Variants in ACOX3 observed in about 807,000 individuals in gnomAD.
ACOX3 encodes the protein acyl-CoA oxidase 3, pristanoyl, also known as peroxisomal acyl-coenzyme A oxidase 3.
In ACOX3, 73 loss-of-function variants were observed where a neutral mutation model predicts 81.5. The ratio of observed to expected loss-of-function variants is 0.90; its 90% CI spans 0.74 to 1.09. ACOX3 has a LOEUF of 1.09. ACOX3 is among the 50% of genes least tolerant of loss of function. The pLI is 0.00. For missense variants in ACOX3, 947 were observed against 928.0 expected (o/e 1.02, Z -0.27); for synonymous variants, 387 against 375.1 (o/e 1.03, Z -0.37).
intron 15 of ACOX3, chr4:8,374,616 C>T (rs1456029716): frequency 4.8e-6 from 1 of 207,108 alleles, no homozygotes; most frequent in Non-Finnish European, 9.5e-6. Flanking sequence ...GGAAGCCTTC[C>T]AGTATTCCCA....
At chr4:8,366,052 C>G (rs1715409210), downstream of ACOX3, among the ~76,000 whole-genome samples, 2 of 152,148 alleles carry the variant, frequency 1.3e-5, no homozygotes, top group African/African-American at 4.8e-5. Context: ...CTGAGCTGAT[C>G]AGAGGTTAAG....
intron 1 of ACOX3, among the ~76,000 whole-genome samples, chr4:8,434,151 T>C (rs1164602071): frequency 3.3e-5 from 5 of 152,204 alleles, no homozygotes; most frequent in African/African-American, 1.2e-4. Flanking sequence ...AACTTTCTGT[T>C]CTGTTAGCTG....
At chr4:8,373,409 G>C (rs149489764) in intron 16 of ACOX3, 152 bp downstream of exon 16, 1 of 761,200 alleles carries the variant, frequency 1.3e-6, no homozygotes, top group African/African-American at 1.8e-5. Context: ...AAGGGGGTGC[G>C]TGTAGGCTCT....
chr4:8,421,134 G>A (rs1354276713), intron 1 of ACOX3, among the ~76,000 whole-genome samples: 3 of 152,214 alleles, frequency 2.0e-5, no homozygotes, highest in African/African-American at 7.2e-5. Flanking sequence ...AACATTTGCT[G>A]GGCTCGTATG....
chr4:8,358,450 G>T, the ACOX3 span: 2 of 137,562 alleles, frequency 1.5e-5, no homozygotes, highest in South Asian at 4.6e-4. Context: ...GGAAATTTTT[G>T]AATCTACCTG....
Position 8,431,757 on chromosome 4 carries a change from CCT to C in ACOX3, c.-15+8889_-15+8890del, listed in dbSNP as rs576786098. On this transcript the variant is annotated intron_variant, in intron 1 of 17. Coordinates refer to ENST00000356406, the MANE Select transcript of ACOX3 (RefSeq NM_003501.3). The surrounding 1 kb of genome is among the most constrained non-coding windows in gnomAD (Gnocchi z 5.3). The stretch of plus-strand genomic sequence containing the variant: ...CACTGCCATAGGGCCTCACCCACCC[CCT>C]CTCTTGTTTATCTTGACTTCTGTCC... 3.4e-4 allele frequency among the ~76,000 whole-genome samples: 51 copies of C among 152,208 alleles called. No individual in the cohort carries two copies. The highest frequency in any genetic ancestry group is 1.0e-3 in the African/African-American group (43 of 41,456).
intron 14 of ACOX3, among the ~76,000 whole-genome samples, chr4:8,378,342 C>G (rs1280940108): frequency 6.6e-6 from 1 of 152,182 alleles, no homozygotes; most frequent in African/African-American, 2.4e-5. Context: ...TCCTTCACTC[C>G]CAAAGTAGAC....
chr4:8,436,575 TA>T (rs1201078466), intron 1 of ACOX3, among the ~76,000 whole-genome samples: 3 of 152,078 alleles, frequency 2.0e-5, no homozygotes, highest in Admixed American at 2.0e-4. Flanking sequence ...CTGCAGAGGC[TA>T]AGAGGTAGTA....
chr4:8,399,488 C>T lies in ACOX3; in HGVS notation c.873+68G>A, dbSNP rs956697678. 1.4e-6 allele frequency: 2 copies of T among 1,381,788 alleles called. No individual in the cohort carries two copies. Among genetic ancestry groups the T allele is most frequent in the African/African-American group, 2.9e-5 (2 of 69,510 alleles). 85.6% of individuals were successfully genotyped at this position (1,381,788 alleles called of 1,614,324 possible). A position where few individuals can be genotyped will look rare whatever the true frequency, so the allele number is the denominator to read the frequency against. On this transcript the variant is annotated intron_variant, in intron 8 of 17. Transcript: ENST00000356406. This position sits in a 1 kb window ranked among gnomAD's most constrained non-coding sequence, Gnocchi z 4.9. ...TCCTTTCCAGGTGCAGGGAGGAGCA[C>T]AGAGCCAGGCCCTGCAGAGGAAGGC... is the stretch of plus-strand genomic sequence containing the variant.
intron 1 of ACOX3, among the ~76,000 whole-genome samples, chr4:8,426,309 TCATTTTA>T (rs1270733650): frequency 2.6e-5 from 4 of 151,990 alleles, no homozygotes; most frequent in African/African-American, 9.7e-5. Context: ...CCCTACCCAG[TCATTTTA>T]TCTACCCTGA....
chr4:8,375,274 T>C (rs1716798432), intron 14 of ACOX3, 122 bp from the exon 15 acceptor site: 4 of 962,374 alleles, frequency 4.2e-6, no homozygotes, highest in African/African-American at 1.6e-5. Context: ...CCTAGGACAG[T>C]AACATAAGGT....
intron 8 of ACOX3, among the ~76,000 whole-genome samples, chr4:8,397,932 G>A (rs1040632809): frequency 8.5e-5 from 13 of 152,260 alleles, no homozygotes; most frequent in African/African-American, 2.9e-4. Context: ...AGGCTGAGGT[G>A]GGCAGATCAC....
Position 8,399,815 on chromosome 4 carries a change from T to C in ACOX3, c.777-163A>G, listed in dbSNP as rs1327719613. Among the ~76,000 whole-genome samples, 4 of 152,150 alleles carry C rather than the reference T, an allele frequency of 2.6e-5. No homozygotes were observed. The East Asian group carries it at 7.7e-4, about 29-fold the overall frequency. ...ACCAACTTTCTATTCAAAAAAGTAG[T>C]CTAGTCAGGAACAGTGGCTCACGCC... On this transcript the variant is annotated intron_variant, in intron 7 of 17. Transcript: ENST00000356406. The surrounding 1 kb of genome is among the most constrained non-coding windows in gnomAD (Gnocchi z 4.9).
rs558317401 is a variant in ACOX3, at chr4:8,399,925, C to T, written c.777-273G>A. ...GACCAGCCTGGGCAACACAGTGAGA[C>T]CCTGTTTCTAAAAAAGAAAAAAATG... is the stretch of plus-strand genomic sequence containing the variant. On this transcript the variant is annotated intron_variant, in intron 7 of 17. Coordinates refer to ENST00000356406, the MANE Select transcript of ACOX3 (RefSeq NM_003501.3). The surrounding 1 kb of genome is among the most constrained non-coding windows in gnomAD (Gnocchi z 4.9). 1.7e-4 allele frequency among the ~76,000 whole-genome samples: 26 copies of T among 152,228 alleles called. No homozygotes were observed. In the East Asian group the frequency reaches 4.8e-3, roughly 28 times the overall value.
chr4:8,375,859 G>A, intron 14 of ACOX3, among the ~76,000 whole-genome samples: 1 of 152,214 alleles, frequency 6.6e-6, no homozygotes, highest in Non-Finnish European at 1.5e-5. Flanking sequence ...TCGTAGTGAT[G>A]GCTGCACGGT....
chr4:8,420,280 TG>T (rs1722798939), intron 1 of ACOX3, among the ~76,000 whole-genome samples: 1 of 152,234 alleles, frequency 6.6e-6, no homozygotes, highest in Non-Finnish European at 1.5e-5. Flanking sequence ...CCAGACTGTC[TG>T]GGTTCAAATC....
chr4:8,409,998 T>TTGTGGGCAGGGCTGTGGAATGCAC (rs1560194597), intron 6 of ACOX3, among the ~76,000 whole-genome samples: 1 of 145,940 alleles, frequency 6.9e-6, no homozygotes, highest in Non-Finnish European at 1.5e-5. Flanking sequence ...GCTATCTGCA[T>TTGTGGGCAGGGCTGTGGAATGCAC]TGTGGGCAGG....
Position 8,386,502 on chromosome 4 carries a change from C to T in ACOX3, c.1537+2671G>A, listed in dbSNP as rs1382804120. On this transcript the variant is annotated intron_variant, in intron 13 of 17. Coordinates refer to ENST00000356406, the MANE Select transcript of ACOX3 (RefSeq NM_003501.3). The surrounding 1 kb of genome is among the most constrained non-coding windows in gnomAD (Gnocchi z 5.2). ...AATGGCGAGAACCTGGGAGGTGGAG[C>T]TTGCAGTGAGCCGAGATCATACCAC... 2.0e-5 allele frequency among the ~76,000 whole-genome samples: 3 copies of T among 149,478 alleles called. No homozygotes were observed. Among genetic ancestry groups the T allele is most frequent in the East Asian group, 4.0e-4 (2 of 5,036 alleles).
rs761861396 is a variant in ACOX3 at position 8,373,645 on chromosome 4, G to A, written c.1829-17C>T. 3.9e-5 allele frequency: 63 copies of A among 1,606,258 alleles called. No individual in the cohort carries two copies. The highest frequency in any genetic ancestry group is 1.6e-4 in the Middle Eastern group (1 of 6,068). ...AGTATCCTCCTGCAAGCACAGCCTC[G>A]GTCACATGGGGGCTGGGTCCAGTCC... On this transcript the variant is annotated splice_polypyrimidine_tract_variant and intron_variant, in intron 15 of 17. Coordinates refer to ENST00000356406, the MANE Select transcript of ACOX3 (RefSeq NM_003501.3).
Sources: allele counts gnomAD v4.1 joint callset (sites outside exome capture counted in the v4.1 genomes callset), GRCh38; gene constraint gnomAD v4.1.1; non-coding constraint Gnocchi (gnomAD v3.1); transcripts MANE v1.5; gene names NCBI Gene and HGNC (gene_info 2026-07-23, HGNC 2026-07-21).